Variants in TFDP2 observed in about 807,000 individuals in gnomAD.
TFDP2 encodes transcription factor Dp-2 (E2F dimerization partner 2).
A neutral mutation model predicts 59.3 loss-of-function variants in TFDP2; 17 were observed. The observed-to-expected ratio is 0.29, with a 90% CI of 0.20 to 0.43. The LOEUF is 0.43. Among genes scored for constraint, TFDP2 ranks in the 20% least tolerant of loss-of-function variants. The pLI is 1.00. For synonymous variants in TFDP2, 180 were observed against 194.7 expected, an observed-to-expected ratio of 0.92 and a Z score of 0.63; for missense variants, 391 against 528.8, an observed-to-expected ratio of 0.74 and a Z score of 2.56.
intron 1 of TFDP2, among the ~76,000 whole-genome samples, chr3:142,106,902 C>T (rs1052933660): frequency 6.6e-6 from 1 of 152,064 alleles, no homozygotes; most frequent in African/African-American, 2.4e-5. Context: ...GAAGAAAGCA[C>T]AAAGTTATGG....
chr3:142,082,724 G>C (rs1027861609), intron 3 of TFDP2, among the ~76,000 whole-genome samples: 3 of 152,124 alleles, frequency 2.0e-5, no homozygotes, highest in African/African-American at 7.2e-5. Flanking sequence ...ATGAATGCAA[G>C]TCAATCAATG....
chr3:142,134,176 C>T (rs1008663570), intron 1 of TFDP2, among the ~76,000 whole-genome samples: 2 of 151,814 alleles, frequency 1.3e-5, no homozygotes, highest in African/African-American at 2.4e-5. Context: ...GTCCCAGCTA[C>T]ACCGAAGGCA....
chr3:142,101,632 CA>C, intron 2 of TFDP2, 102 bp downstream of exon 2: 1 of 683,000 alleles, frequency 1.5e-6, no homozygotes. Context: ...TAAATCCATG[CA>C]AGTAAATTAA....
chr3:141,952,359 G>A lies in TFDP2; in HGVS notation c.*154C>T. On this transcript the variant is annotated 3_prime_UTR_variant, in exon 13 of 13. Coordinates refer to ENST00000489671, the MANE Select transcript of TFDP2 (RefSeq NM_001178139.2). The stretch of plus-strand genomic sequence containing the variant: ...GTTAACTTTCATCTCAATCATCTCA[G>A]CCTTCATGTGATTTGCTTATTGTGT... The A allele has an allele frequency of 1.6e-6, 1 of 637,850 alleles. No homozygotes were observed. 39.5% of individuals were successfully genotyped at this position (637,850 alleles called of 1,614,324 possible).
intron 1 of TFDP2, among the ~76,000 whole-genome samples, chr3:142,147,573 C>G (rs77704857): frequency 0.083 from 12,702 of 152,180 alleles, 659 homozygotes; most frequent in Middle Eastern, 0.14. Context: ...TTACACACTG[C>G]AAAAATTCAG....
intron 9 of TFDP2, 106 bp downstream of exon 9, chr3:141,969,967 C>T (rs925845708): frequency 8.4e-5 from 94 of 1,114,620 alleles, no homozygotes; most frequent in Non-Finnish European, 1.2e-4. Context: ...CTGGCGTGGG[C>T]TCACCACACA....
chr3:141,972,118 C>G (rs1399357155), intron 8 of TFDP2, among the ~76,000 whole-genome samples: 2 of 152,198 alleles, frequency 1.3e-5, no homozygotes, highest in African/African-American at 2.4e-5. Flanking sequence ...CCACGTTTTA[C>G]TTTTAAATTA....
At chr3:142,070,571 T>A (rs2060214617) in intron 3 of TFDP2, among the ~76,000 whole-genome samples, 1 of 152,232 alleles carries the variant, frequency 6.6e-6, no homozygotes, top group Admixed American at 6.5e-5. Context: ...TGAGCCACTA[T>A]GCCCAGCCCT....
At chr3:142,036,654 C>T (rs1946707992) in intron 3 of TFDP2, among the ~76,000 whole-genome samples, 1 of 152,194 alleles carries the variant, frequency 6.6e-6, no homozygotes, top group African/African-American at 2.4e-5. Context: ...GGGACCTTCA[C>T]TTGATCAAAT....
chr3:142,059,858 A>G (rs2059859814), intron 3 of TFDP2, among the ~76,000 whole-genome samples: 1 of 151,930 alleles, frequency 6.6e-6, no homozygotes, highest in Non-Finnish European at 1.5e-5. Context: ...CTGGGATTAC[A>G]GGCTTGAGCA....
intron 1 of TFDP2, among the ~76,000 whole-genome samples, chr3:142,105,815 T>A (rs942176936): frequency 5.9e-5 from 9 of 152,336 alleles, no homozygotes; most frequent in African/African-American, 2.2e-4. Context: ...CCAAAGCGCA[T>A]GGATTTCTTA....
At chr3:142,110,409 C>T (rs1028577640) in intron 1 of TFDP2, among the ~76,000 whole-genome samples, 11 of 151,706 alleles carry the variant, frequency 7.3e-5, no homozygotes, top group South Asian at 2.1e-4. Context: ...GAGGCTGAGG[C>T]GGGAGAATCA....
chr3:142,126,972 A>T (rs2062284640), intron 1 of TFDP2, among the ~76,000 whole-genome samples: 1 of 150,510 alleles, frequency 6.6e-6, no homozygotes, highest in Non-Finnish European at 1.5e-5. Flanking sequence ...AAATTACAGT[A>T]AAATGATGTT....
intron 3 of TFDP2, among the ~76,000 whole-genome samples, chr3:142,054,930 G>A (rs1231077287): frequency 6.6e-6 from 1 of 152,134 alleles, no homozygotes; most frequent in African/African-American, 2.4e-5. Context: ...AGACGTGAAG[G>A]GCCAAAAGTT....
At position 141,952,455 on chromosome 3, in the gene TFDP2, G is replaced by A; in HGVS notation, c.*58C>T. 3 of 1,439,582 alleles carry A rather than the reference G, an allele frequency of 2.1e-6. No individual in the cohort carries two copies. The highest frequency in any genetic ancestry group is 2.7e-6 in the Non-Finnish European group (3 of 1,091,388). The allele number at this position is 1,439,582 out of a possible 1,614,324, so 89.2% of individuals were successfully genotyped here. ...TGAAGCAATCATTTCAAAAACAAGA[G>A]CTCACACTACAAACACACATGAGCA... On this transcript the variant is annotated 3_prime_UTR_variant, in exon 13 of 13. Transcript: ENST00000489671.
At chr3:142,019,150 C>T (rs1241366493) in intron 3 of TFDP2, among the ~76,000 whole-genome samples, 2 of 151,778 alleles carry the variant, frequency 1.3e-5, no homozygotes, top group Admixed American at 6.6e-5. Context: ...CCGCATCCTC[C>T]GCCTCCCAGG....
At chr3:141,979,306 TTGATAA>T (rs1299101732) in intron 6 of TFDP2, among the ~76,000 whole-genome samples, 4 of 152,218 alleles carry the variant, frequency 2.6e-5, no homozygotes, top group Non-Finnish European at 4.4e-5. Flanking sequence ...TACATAATAC[TTGATAA>T]TGATAATAAA....
Position 141,949,322 on chromosome 3 carries a change from A to G in TFDP2, c.*3191T>C, listed in dbSNP as rs924226972. 1 of 152,168 alleles carries G rather than the reference A, an allele frequency of 6.6e-6. No homozygotes were observed. The highest frequency in any genetic ancestry group is 2.4e-5 in the African/African-American group (1 of 41,438). 9.4% of individuals were successfully genotyped at this position (152,168 alleles called of 1,614,324 possible). A position where few individuals can be genotyped will look rare whatever the true frequency, so the allele number is the denominator to read the frequency against. On this transcript the variant is annotated 3_prime_UTR_variant, in exon 13 of 13. Transcript: ENST00000489671. ...CGCCAAACTTGTGGCCATTGTCTGT[A>G]GTTTCTCGGGCGGTGGGTGTCGCTG...
Position 142,142,001 on chromosome 3 carries a change from G to A in TFDP2, c.-93+7182C>T, listed in dbSNP as rs368570700. Among the ~76,000 whole-genome samples the A allele has an allele frequency of 7.9e-5, 12 of 152,204 alleles. No individual in the cohort carries two copies. In the East Asian group the frequency reaches 1.7e-3, roughly 22 times the overall value. ...CCCACAGCTAGTATCATACTGAATG[G>A]GGAAAAACTAGAAAGCCTTTCCTCA... On this transcript the variant is annotated intron_variant, in intron 1 of 12. Transcript: ENST00000489671.
Sources: gnomAD v4.1 joint callset for allele counts (sites outside exome capture counted in the v4.1 genomes callset) on GRCh38, gnomAD v4.1.1 for gene constraint, MANE v1.5 for transcripts, NCBI Gene and HGNC (gene_info 2026-07-23, HGNC 2026-07-21) for gene names.